STX8: variants seen among roughly 807,000 people sequenced by gnomAD.
STX8 encodes syntaxin 8.
Under a neutral mutation model 37.5 loss-of-function variants are expected in STX8, and 23 were observed. That is an observed-to-expected ratio of 0.61 (90% CI 0.44 to 0.87). The LOEUF is 0.87. STX8 is among the 40% of genes least tolerant of loss of function. STX8 has a pLI of 0.00. For missense variants in STX8, 313 were observed against 284.7 expected, an observed-to-expected ratio of 1.10 and a Z score of -0.71; for synonymous variants, 115 against 99.1, an observed-to-expected ratio of 1.16 and a Z score of -0.95.
intron 4 of STX8, among the ~76,000 whole-genome samples, chr17:9,532,471 T>G (rs1255774501): frequency 6.6e-6 from 1 of 152,106 alleles, no homozygotes; most frequent in Non-Finnish European, 1.5e-5. Context: ...TGGATACGTG[T>G]AGAATCCTTC....
chr17:9,408,700 T>C (rs1302648429), intron 6 of STX8, among the ~76,000 whole-genome samples: 1 of 152,234 alleles, frequency 6.6e-6, no homozygotes, highest in Non-Finnish European at 1.5e-5. Context: ...AACTTTTTTC[T>C]TTATAACACA....
chr17:9,562,616 AT>A (rs1162293434), intron 2 of STX8, among the ~76,000 whole-genome samples: 1,225 of 6,250 alleles, frequency 0.2, 6 homozygotes, highest in Non-Finnish European at 0.31. Flanking sequence ...AAAAAAAAAT[AT>A]ATATATATAT....
At chr17:9,338,939 C>T (rs934984859) in intron 7 of STX8, among the ~76,000 whole-genome samples, 8 of 151,842 alleles carry the variant, frequency 5.3e-5, no homozygotes, top group African/African-American at 9.7e-5. Context: ...GTTGTGGTGG[C>T]GGGTGCCTGT....
intron 6 of STX8, among the ~76,000 whole-genome samples, chr17:9,460,365 T>G (rs1257678733): frequency 6.6e-6 from 1 of 152,170 alleles, no homozygotes; most frequent in Admixed American, 6.5e-5. Flanking sequence ...GTATTTTGAA[T>G]ATCTTTTTAA....
At chr17:9,259,760 G>T (rs1341166706) in intron 7 of STX8, among the ~76,000 whole-genome samples, 1 of 152,198 alleles carries the variant, frequency 6.6e-6, no homozygotes, top group Non-Finnish European at 1.5e-5. Context: ...CGGGGTCACA[G>T]GCAGGAGGAG....
intron 5 of STX8, among the ~76,000 whole-genome samples, chr17:9,504,642 C>T (rs1262489256): frequency 6.6e-6 from 1 of 151,798 alleles, no homozygotes; most frequent in African/African-American, 2.4e-5. Flanking sequence ...GTTTTCACTC[C>T]AATTTTCAAT....
At chr17:9,399,894 G>C (rs111878848) in intron 6 of STX8, among the ~76,000 whole-genome samples, 2 of 149,196 alleles carry the variant, frequency 1.3e-5, no homozygotes, top group Non-Finnish European at 3.0e-5. Flanking sequence ...AAGAAAGAAA[G>C]AAAGATGAGA....
At chr17:9,412,748 A>G (rs1182645128) in intron 6 of STX8, among the ~76,000 whole-genome samples, 1 of 152,142 alleles carries the variant, frequency 6.6e-6, no homozygotes, top group East Asian at 1.9e-4. Context: ...TCCCTTCAGC[A>G]TTTAAGAGTT....
chr17:9,527,430 C>T (rs370458116), intron 4 of STX8, among the ~76,000 whole-genome samples: 2 of 151,710 alleles, frequency 1.3e-5, no homozygotes, highest in African/African-American at 2.4e-5. Context: ...GGTGACAGAG[C>T]GAGACCCTGT....
chr17:9,301,651 TTTG>T (rs1179191466), intron 7 of STX8, among the ~76,000 whole-genome samples: 76 of 138,094 alleles, frequency 5.5e-4, no homozygotes, highest in African/African-American at 2.3e-3. Flanking sequence ...TCCGGCCATT[TTTG>T]TTTTTTTTTT....
intron 7 of STX8, among the ~76,000 whole-genome samples, chr17:9,342,745 G>A (rs954873124): frequency 6.6e-6 from 1 of 152,072 alleles, no homozygotes. Flanking sequence ...GCAAATGGCC[G>A]GGCGCGGTGG....
chr17:9,406,019 T>C lies in STX8; in HGVS notation c.542-27366A>G, dbSNP rs145516084. ...CACTACAGAATAGCTGCATTTTCAA[T>C]ATGAGATTAAAAGGTATAAGTGCAA... is the stretch of plus-strand genomic sequence containing the variant. On this transcript the variant is annotated intron_variant, in intron 6 of 7. Transcript: ENST00000306357. Among the ~76,000 whole-genome samples, 953 of 152,330 alleles carry C rather than the reference T, an allele frequency of 6.3e-3. 17 individuals carry two copies. Among genetic ancestry groups the C allele is most frequent in the African/African-American group, 0.022 (908 of 41,564 alleles).
At chr17:9,537,210 C>T (rs1906093933) in intron 4 of STX8, among the ~76,000 whole-genome samples, 1 of 152,208 alleles carries the variant, frequency 6.6e-6, no homozygotes, top group Admixed American at 6.5e-5. Flanking sequence ...AAATAATTAG[C>T]GAGGCAGAGA....
chr17:9,534,960 GTATTCTATGA>G (rs1905968770), intron 4 of STX8, among the ~76,000 whole-genome samples: 1 of 152,102 alleles, frequency 6.6e-6, no homozygotes, highest in African/African-American at 2.4e-5. Context: ...ATATGGGAAC[GTATTCTATGA>G]TAATGCAGCA....
intron 7 of STX8, among the ~76,000 whole-genome samples, chr17:9,288,648 T>C (rs948899948): frequency 3.3e-5 from 5 of 151,518 alleles, no homozygotes; most frequent in African/African-American, 4.8e-5. Flanking sequence ...GGTGACAGAG[T>C]GAGACTCCGT....
At chr17:9,524,325 G>A (rs920676529) in intron 4 of STX8, among the ~76,000 whole-genome samples, 1 of 152,204 alleles carries the variant, frequency 6.6e-6, no homozygotes, top group Admixed American at 6.5e-5. Flanking sequence ...CAGTTCTGGA[G>A]GCCAGGAAGT....
At chr17:9,520,303 T>C (rs1211578821) in intron 4 of STX8, among the ~76,000 whole-genome samples, 1 of 152,238 alleles carries the variant, frequency 6.6e-6, no homozygotes, top group East Asian at 1.9e-4. Context: ...AGACTGATAC[T>C]GTTTGAGCAG....
chr17:9,495,595 A>C (rs1327005662), intron 5 of STX8, among the ~76,000 whole-genome samples: 1 of 152,234 alleles, frequency 6.6e-6, no homozygotes, highest in Non-Finnish European at 1.5e-5. Context: ...TATCTGATTT[A>C]GCAACCTGAT....
chr17:9,347,176 C>T (rs1219136336), intron 7 of STX8, among the ~76,000 whole-genome samples: 4 of 151,716 alleles, frequency 2.6e-5, no homozygotes, highest in African/African-American at 9.7e-5. Flanking sequence ...CTCTCCTTTT[C>T]AGCACCTTCA....
Sources: gnomAD v4.1 joint callset for allele counts (sites outside exome capture counted in the v4.1 genomes callset) on GRCh38, gnomAD v4.1.1 for gene constraint, MANE v1.5 for transcripts, NCBI Gene and HGNC (gene_info 2026-07-23, HGNC 2026-07-21) for gene names.